Variants in APOLD1 observed in about 807,000 individuals in gnomAD.
APOLD1 encodes the protein apolipoprotein L domain containing 1.
APOLD1 carries 22 observed loss-of-function variants against 15.3 expected under a neutral mutation model. The ratio of observed to expected loss-of-function variants is 1.44; its 90% CI spans 1.03 to 2.05. The LOEUF is 2.05. Ranked by LOEUF, APOLD1 falls within the 30% of genes most tolerant of loss-of-function variation. The pLI, the probability that APOLD1 is intolerant of heterozygous loss-of-function variation, is 0.00. For synonymous variants in APOLD1, 190 were observed against 167.4 expected (o/e 1.13, Z -1.04); for missense variants, 394 against 353.5 (o/e 1.11, Z -0.92).
chr12:12,768,916 C>T (rs1374201582), intron 1 of APOLD1, among the ~76,000 whole-genome samples: 4 of 151,562 alleles, frequency 2.6e-5, no homozygotes, highest in East Asian at 1.9e-4. Flanking sequence ...TCCATTCTGG[C>T]ATGTAAGGAG....
chr12:12,765,756 G>A (rs184591688), intron 1 of APOLD1, among the ~76,000 whole-genome samples: 17 of 152,316 alleles, frequency 1.1e-4, no homozygotes, highest in Non-Finnish European at 2.1e-4. Context: ...TATAGTCCCA[G>A]CTTCTCAGGA....
intron 1 of APOLD1, among the ~76,000 whole-genome samples, chr12:12,768,806 G>A (rs559846983): frequency 1.3e-4 from 20 of 151,350 alleles, no homozygotes; most frequent in Admixed American, 2.6e-4. Flanking sequence ...CTTTTTCAAA[G>A]GTAGTTTACT....
intron 1 of APOLD1, chr12:12,771,801 A>G (rs1946989795): frequency 4.8e-6 from 1 of 208,938 alleles, no homozygotes; most frequent in Non-Finnish European, 9.7e-6. Flanking sequence ...TGTATAAGTG[A>G]AACAAATGAC....
At chr12:12,736,098 G>A (rs1162542173) in intron 1 of APOLD1, among the ~76,000 whole-genome samples, 1 of 152,144 alleles carries the variant, frequency 6.6e-6, no homozygotes, top group Non-Finnish European at 1.5e-5. Flanking sequence ...GTTCATGCCT[G>A]TAATCCCAGC....
At position 12,734,084 on chromosome 12, in the gene APOLD1, G is replaced by A. The variant is rs117600977; in HGVS notation, c.96+7988G>A. On this transcript the variant is annotated intron_variant, in intron 1 of 1. Coordinates refer to the APOLD1 transcript ENST00000326765. ...GCCATTAAATCTGTACATGAGTTAT[G>A]AGGAGTGTATGCATGTTTGTGTACA... Among the ~76,000 whole-genome samples the A allele has an allele frequency of 6.2e-4, 94 of 152,206 alleles. 1 individual carries two copies. In the East Asian group the frequency reaches 0.016, roughly 26 times the overall value.
intron 1 of APOLD1, among the ~76,000 whole-genome samples, chr12:12,735,160 G>C (rs1471289536): frequency 1.3e-5 from 2 of 152,144 alleles, no homozygotes; most frequent in Non-Finnish European, 2.9e-5. Flanking sequence ...GGGAGTTTGA[G>C]GTGGAAGGAT....
At chr12:12,773,666 C>T (rs1947005149) in intron 1 of APOLD1, among the ~76,000 whole-genome samples, 1 of 152,078 alleles carries the variant, frequency 6.6e-6, no homozygotes, top group Non-Finnish European at 1.5e-5. Flanking sequence ...TTAATAAAAT[C>T]AATGAACCTC....
chr12:12,752,224 A>G (rs1240980603), intron 1 of APOLD1, among the ~76,000 whole-genome samples: 1 of 152,196 alleles, frequency 6.6e-6, no homozygotes, highest in African/African-American at 2.4e-5. Context: ...AAATTCTAGA[A>G]TAATAAACTG....
intron 1 of APOLD1, chr12:12,726,252 A>G (rs1341996609): frequency 2.7e-6 from 2 of 732,868 alleles, no homozygotes; most frequent in Admixed American, 4.4e-5. Flanking sequence ...AGTCGGTGTC[A>G]TTTTTATTGA....
chr12:12,751,648 C>A (rs111289907), intron 1 of APOLD1, among the ~76,000 whole-genome samples: 11 of 152,310 alleles, frequency 7.2e-5, no homozygotes, highest in African/African-American at 2.6e-4. Context: ...AGCACGCCCA[C>A]CCAGGAGTGA....
intron 1 of APOLD1, among the ~76,000 whole-genome samples, chr12:12,739,182 C>T (rs1191171727): frequency 2.6e-5 from 4 of 152,198 alleles, no homozygotes; most frequent in Non-Finnish European, 5.9e-5. Context: ...ACATCTTGCA[C>T]AGGTCACTGA....
chr12:12,737,306 C>T (rs2136371419), intron 1 of APOLD1, among the ~76,000 whole-genome samples: 1 of 152,056 alleles, frequency 6.6e-6, no homozygotes, highest in South Asian at 2.1e-4. Flanking sequence ...GCCACTGACT[C>T]CACAGGAAGC....
At chr12:12,726,361 C>A in intron 1 of APOLD1, 1 of 555,940 alleles carries the variant, frequency 1.8e-6, no homozygotes, top group South Asian at 1.7e-5. Flanking sequence ...TTTGAAGTGC[C>A]TTTGATTTCT....
chr12:12,770,347 C>G (rs538164708), intron 1 of APOLD1, among the ~76,000 whole-genome samples: 3 of 152,234 alleles, frequency 2.0e-5, no homozygotes, highest in Admixed American at 6.5e-5. Flanking sequence ...AGAGGTTGCA[C>G]TGAGCCGAAA....
At chr12:12,733,689 G>A (rs927854752) in intron 1 of APOLD1, among the ~76,000 whole-genome samples, 2 of 152,024 alleles carry the variant, frequency 1.3e-5, no homozygotes, top group Non-Finnish European at 1.5e-5. Context: ...TGCAACCTTC[G>A]CCTCCTGGGT....
intron 1 of APOLD1, among the ~76,000 whole-genome samples, chr12:12,773,281 C>T (rs1487332184): frequency 3.9e-5 from 6 of 152,160 alleles, no homozygotes; most frequent in African/African-American, 1.4e-4. Context: ...GTAGAAGTGG[C>T]CAGTTATGGT....
chr12:12,754,603 G>A (rs572987590), intron 1 of APOLD1, among the ~76,000 whole-genome samples: 3 of 151,934 alleles, frequency 2.0e-5, no homozygotes, highest in Non-Finnish European at 4.4e-5. Context: ...GCTAATTTTT[G>A]TATTTTTAGT....
At chr12:12,739,513 T>C (rs1376200280) in intron 1 of APOLD1, among the ~76,000 whole-genome samples, 2 of 152,226 alleles carry the variant, frequency 1.3e-5, no homozygotes, top group South Asian at 2.1e-4. Context: ...ATAGCAACTG[T>C]AAACAATATT....
chr12:12,741,191 T>C (rs1306777734), intron 1 of APOLD1, among the ~76,000 whole-genome samples: 1 of 152,152 alleles, frequency 6.6e-6, no homozygotes, highest in East Asian at 1.9e-4. Context: ...TGTTGCAAAC[T>C]GTCATACTTT....
Sources: gnomAD v4.1 joint callset for allele counts (sites outside exome capture counted in the v4.1 genomes callset) on GRCh38, gnomAD v4.1.1 for gene constraint, MANE v1.5 for transcripts, NCBI Gene and HGNC (gene_info 2026-07-23, HGNC 2026-07-21) for gene names.